GALNT13: variants seen among roughly 807,000 people sequenced by gnomAD.
The protein encoded by GALNT13 is UDP-GalNAc:polypeptide N-acetylgalactosaminyltransferase 13.
A neutral mutation model predicts 64.2 loss-of-function variants in GALNT13; 28 were observed. The ratio of observed to expected loss-of-function variants is 0.44; its 90% CI spans 0.32 to 0.60. The LOEUF (loss-of-function observed/expected upper bound fraction) is 0.60, where lower values mean the gene tolerates loss of function less well. Among genes scored for constraint, GALNT13 ranks in the 20% least tolerant of loss-of-function variants. The probability of loss-of-function intolerance (pLI) is 0.05; values close to 1 mark genes in which losing one functional copy is unlikely to be tolerated. For missense variants in GALNT13, 577 were observed against 669.8 expected (o/e 0.86, Z 1.53); for synonymous variants, 214 against 224.6 (o/e 0.95, Z 0.42).
At chr2:153,797,591 G>A in the GALNT13 span, among the ~76,000 whole-genome samples, 1 of 152,126 alleles carries the variant, frequency 6.6e-6, no homozygotes, top group Non-Finnish European at 1.5e-5. Context: ...AAGGCTTAAT[G>A]TGTTTCCCTG....
chr2:154,143,394 G>C (rs532077483), intron 4 of GALNT13, among the ~76,000 whole-genome samples: 4 of 151,878 alleles, frequency 2.6e-5, no homozygotes, highest in Admixed American at 6.6e-5. Flanking sequence ...GAGTGGCTAT[G>C]ATACTTATAT....
At position 154,124,209 on chromosome 2, in the gene GALNT13, T is replaced by A. The variant is rs893717108; in HGVS notation, c.143-16128T>A. Among the ~76,000 whole-genome samples the A allele has an allele frequency of 7.2e-5, 11 of 152,034 alleles. No individual in the cohort carries two copies. The East Asian group carries it at 2.1e-3, about 29-fold the overall frequency. Reference sequence around the variant, plus strand: ...TCAGATGAGACCAATCTGGTTTCCATGGATGATAAGGAAGCTGTATATCTG... The same window carrying A: ...TCAGATGAGACCAATCTGGTTTCCAAGGATGATAAGGAAGCTGTATATCTG... On this transcript the variant is annotated intron_variant, in intron 3 of 12. Coordinates refer to ENST00000392825, the MANE Select transcript of GALNT13 (RefSeq NM_052917.4).
the GALNT13 span, among the ~76,000 whole-genome samples, chr2:153,304,434 G>C: frequency 6.6e-6 from 1 of 152,104 alleles, no homozygotes; most frequent in Non-Finnish European, 1.5e-5. Flanking sequence ...ACAAATAAGA[G>C]AAGGAAGAAG....
chr2:153,437,209 G>C, the GALNT13 span, among the ~76,000 whole-genome samples: 2 of 151,992 alleles, frequency 1.3e-5, no homozygotes, highest in Non-Finnish European at 2.9e-5. Context: ...TATAATTTCT[G>C]TTCTTTTGCA....
At chr2:153,271,837 G>C in the GALNT13 span, among the ~76,000 whole-genome samples, 1 of 152,126 alleles carries the variant, frequency 6.6e-6, no homozygotes, top group South Asian at 2.1e-4. Flanking sequence ...GAACAAAGCT[G>C]GAGGCATTAT....
chr2:154,133,534 T>TTATATATA (rs201083794), intron 3 of GALNT13, among the ~76,000 whole-genome samples: 146 of 77,122 alleles, frequency 1.9e-3, no homozygotes, highest in East Asian at 3.1e-3. Context: ...ACAGACCATT[T>TTATATATA]TATATATATA....
the GALNT13 span, among the ~76,000 whole-genome samples, chr2:153,633,056 C>T: frequency 6.6e-6 from 1 of 152,126 alleles, no homozygotes; most frequent in Admixed American, 6.6e-5. Context: ...CCACCATACG[C>T]AGCGCCATCT....
the GALNT13 span, among the ~76,000 whole-genome samples, chr2:153,767,697 A>G: frequency 3.3e-5 from 5 of 151,886 alleles, no homozygotes; most frequent in Non-Finnish European, 7.4e-5. Context: ...TTATCTGATC[A>G]TTACTGATGT....
chr2:154,145,096 C>CTATATATATATATA (rs1306928627), intron 4 of GALNT13, among the ~76,000 whole-genome samples: 1 of 124,068 alleles, frequency 8.1e-6, no homozygotes, highest in African/African-American at 3.0e-5. Context: ...ATCTATCTAT[C>CTATATATATATATA]TATCTATATA....
chr2:153,587,250 T>A, the GALNT13 span, among the ~76,000 whole-genome samples: 1 of 135,680 alleles, frequency 7.4e-6, no homozygotes, highest in Non-Finnish European at 1.6e-5. Flanking sequence ...AAAAAAAAAT[T>A]AACACAGAAA....
At chr2:153,204,051 A>C in the GALNT13 span, among the ~76,000 whole-genome samples, 1 of 152,216 alleles carries the variant, frequency 6.6e-6, no homozygotes, top group Non-Finnish European at 1.5e-5. Context: ...CATGCAACCT[A>C]ATTGGAAACT....
chr2:153,868,356 G>A (rs1239077129), upstream of GALNT13, among the ~76,000 whole-genome samples: 1 of 152,124 alleles, frequency 6.6e-6, no homozygotes, highest in Admixed American at 6.5e-5. Context: ...TTCTTATAGG[G>A]CATGTTAGAG....
the GALNT13 span, among the ~76,000 whole-genome samples, chr2:153,410,896 GGA>G: frequency 6.6e-6 from 1 of 150,666 alleles, no homozygotes; most frequent in Non-Finnish European, 1.5e-5. Context: ...GAGAGAGAAA[GGA>G]GAGAGAGAGG....
intron 4 of GALNT13, among the ~76,000 whole-genome samples, chr2:154,241,338 C>T (rs1367737153): frequency 6.6e-6 from 1 of 152,124 alleles, no homozygotes; most frequent in Non-Finnish European, 1.5e-5. Flanking sequence ...CTTCCCTTCC[C>T]TTCTTCCCTG....
chr2:153,426,163 T>C, the GALNT13 span, among the ~76,000 whole-genome samples: 1 of 151,870 alleles, frequency 6.6e-6, no homozygotes, highest in Non-Finnish European at 1.5e-5. Flanking sequence ...TCTTTTTAGC[T>C]CCATCTAGTC....
the GALNT13 span, among the ~76,000 whole-genome samples, chr2:153,482,769 C>CTTT: frequency 6.9e-6 from 1 of 144,570 alleles, no homozygotes; most frequent in African/African-American, 2.5e-5. Context: ...CGCACCCAGC[C>CTTT]TTTTTTTTTT....
Position 154,313,246 on chromosome 2 carries a change from GTA to G in GALNT13, c.1156+11670_1156+11671del, listed in dbSNP as rs546770798. Among the ~76,000 whole-genome samples the G allele has an allele frequency of 1.3e-3, 183 of 143,574 alleles. 1 individual carries two copies. Among genetic ancestry groups the G allele is most frequent in the Admixed American group, 2.6e-3 (37 of 14,264 alleles). The allele number at this position is 143,574 out of a possible 152,430, so 94.2% of individuals were successfully genotyped here. On this transcript the variant is annotated intron_variant, in intron 9 of 12. Transcript: ENST00000392825. ...ACACTATATATATATTTATGCATAT[GTA>G]TATATATATATACACACACACTAGA...
intron 3 of GALNT13, among the ~76,000 whole-genome samples, chr2:154,131,902 G>T (rs759396893): frequency 4.6e-5 from 7 of 152,194 alleles, no homozygotes; most frequent in Non-Finnish European, 1.0e-4. Flanking sequence ...TTGCAAACCA[G>T]TGATGTAAGT....
chr2:154,418,422 C>T (rs1293013097), intron 11 of GALNT13, among the ~76,000 whole-genome samples: 24 of 151,918 alleles, frequency 1.6e-4, no homozygotes, highest in Admixed American at 6.6e-5. Flanking sequence ...TCTAGATAGC[C>T]GCGCTACCAC....
Sources: allele counts gnomAD v4.1 joint callset (sites outside exome capture counted in the v4.1 genomes callset), GRCh38; gene constraint gnomAD v4.1.1; transcripts MANE v1.5; gene names NCBI Gene and HGNC (gene_info 2026-07-23, HGNC 2026-07-21).